Variants in THSD7B observed in about 807,000 individuals in gnomAD.
THSD7B encodes thrombospondin type-1 domain-containing protein 7B.
A neutral mutation model predicts 213.6 loss-of-function variants in THSD7B; 138 were observed. The ratio of observed to expected loss-of-function variants is 0.65; its 90% CI spans 0.56 to 0.74. THSD7B has a LOEUF of 0.74. Ranked by LOEUF, THSD7B falls within the 30% of genes least tolerant of loss-of-function variation. The probability of loss-of-function intolerance (pLI) is 0.00; values close to 1 mark genes in which losing one functional copy is unlikely to be tolerated. For missense variants in THSD7B, 1,931 were observed against 1,991.5 expected (o/e 0.97, Z 0.58); for synonymous variants, 742 against 687.0 (o/e 1.08, Z -1.25).
intron 15 of THSD7B, chr2:137,452,126 A>G (rs1687664419): frequency 1.7e-6 from 1 of 598,264 alleles, no homozygotes; most frequent in Admixed American, 6.4e-5. Context: ...TAACTCACTG[A>G]AATTAAAAAA....
intron 5 of THSD7B, 106 bp downstream of exon 5, chr2:137,115,399 A>G: frequency 1.6e-6 from 2 of 1,216,388 alleles, no homozygotes; most frequent in Non-Finnish European, 1.1e-6. Context: ...GCATTCACAC[A>G]TTTAATATTT....
chr2:136,789,931 A>G (rs537399995), intron 1 of THSD7B, among the ~76,000 whole-genome samples: 3 of 152,278 alleles, frequency 2.0e-5, no homozygotes, highest in South Asian at 4.1e-4. Flanking sequence ...ATTTTAATTG[A>G]TAGAAAAGAT....
chr2:137,402,622 G>A (rs1414801222), intron 12 of THSD7B, among the ~76,000 whole-genome samples: 1 of 151,918 alleles, frequency 6.6e-6, no homozygotes, highest in African/African-American at 2.4e-5. Context: ...TTTGAGACCA[G>A]CCTGGCCAAC....
intron 1 of THSD7B, among the ~76,000 whole-genome samples, chr2:136,770,251 G>C (rs1681481017): frequency 6.6e-6 from 1 of 152,158 alleles, no homozygotes; most frequent in Non-Finnish European, 1.5e-5. Flanking sequence ...AGCATACCAT[G>C]TAGTATGCAT....
chr2:137,558,138 G>A (rs1193405604), intron 15 of THSD7B, among the ~76,000 whole-genome samples: 1 of 152,124 alleles, frequency 6.6e-6, no homozygotes, highest in African/African-American at 2.4e-5. Flanking sequence ...AGAGGTACAA[G>A]GAGGAGCTGG....
chr2:137,049,550 T>G (rs142771479), intron 2 of THSD7B, among the ~76,000 whole-genome samples: 184 of 152,300 alleles, frequency 1.2e-3, no homozygotes, highest in African/African-American at 4.3e-3. Context: ...TAATAAACCA[T>G]GCCTATTACT....
intron 3 of THSD7B, among the ~76,000 whole-genome samples, chr2:137,070,338 T>C: frequency 6.6e-6 from 1 of 151,934 alleles, no homozygotes; most frequent in East Asian, 1.9e-4. Flanking sequence ...CCATAGTTTA[T>C]TTGAACAAAT....
At chr2:137,299,560 G>C (rs1300435552) in intron 12 of THSD7B, among the ~76,000 whole-genome samples, 1 of 152,006 alleles carries the variant, frequency 6.6e-6, no homozygotes, top group Non-Finnish European at 1.5e-5. Flanking sequence ...AGAATTCTGA[G>C]ATTTCCCAAG....
intron 15 of THSD7B, among the ~76,000 whole-genome samples, chr2:137,553,775 TA>T (rs1680896594): frequency 6.6e-6 from 1 of 152,194 alleles, no homozygotes; most frequent in African/African-American, 2.4e-5. Flanking sequence ...GATTCCCTGA[TA>T]AAGTCCATGC....
At chr2:137,149,190 G>A (rs1038963747) in intron 5 of THSD7B, among the ~76,000 whole-genome samples, 5 of 152,132 alleles carry the variant, frequency 3.3e-5, no homozygotes, top group African/African-American at 1.2e-4. Flanking sequence ...ATGTGGTGTT[G>A]GGCCTTTTGG....
At chr2:137,326,350 T>C (rs991240321) in intron 12 of THSD7B, among the ~76,000 whole-genome samples, 1 of 152,206 alleles carries the variant, frequency 6.6e-6, no homozygotes, top group African/African-American at 2.4e-5. Flanking sequence ...ATACTCAGTG[T>C]AGATTAATTT....
intron 1 of THSD7B, among the ~76,000 whole-genome samples, chr2:136,835,178 G>A (rs953273724): frequency 8.5e-5 from 13 of 152,156 alleles, no homozygotes; most frequent in African/African-American, 3.1e-4. Context: ...GACTTTTAAA[G>A]TTACAGAAAA....
At chr2:136,787,444 T>G (rs993261211) in intron 1 of THSD7B, among the ~76,000 whole-genome samples, 1 of 152,146 alleles carries the variant, frequency 6.6e-6, no homozygotes, top group Admixed American at 6.5e-5. Flanking sequence ...CTCAGGCCGC[T>G]GGAAGGACTA....
intron 6 of THSD7B, 38 bp from the exon 7 acceptor site, chr2:137,170,703 G>A (rs376523100): frequency 4.4e-6 from 7 of 1,593,722 alleles, no homozygotes; most frequent in Non-Finnish European, 4.3e-6. Context: ...CTGGAAAAGA[G>A]TGGAATTCTC....
intron 12 of THSD7B, among the ~76,000 whole-genome samples, chr2:137,313,530 T>G (rs1683983215): frequency 6.6e-6 from 1 of 151,474 alleles, no homozygotes; most frequent in South Asian, 2.1e-4. Flanking sequence ...TTGTTATGTG[T>G]GAATTTGATC....
At chr2:136,945,769 T>G (rs1416103029) in intron 2 of THSD7B, among the ~76,000 whole-genome samples, 1 of 152,268 alleles carries the variant, frequency 6.6e-6, no homozygotes, top group Admixed American at 6.5e-5. Flanking sequence ...AATTGGCTAT[T>G]GAAGCTTGTG....
At chr2:137,278,804 A>G (rs1206619117) in intron 12 of THSD7B, among the ~76,000 whole-genome samples, 1 of 152,192 alleles carries the variant, frequency 6.6e-6, no homozygotes, top group South Asian at 2.1e-4. Context: ...TCATAGGTAT[A>G]AAAGCACTTA....
intron 3 of THSD7B, among the ~76,000 whole-genome samples, chr2:137,072,416 G>C (rs974269781): frequency 1.3e-5 from 2 of 151,728 alleles, no homozygotes; most frequent in African/African-American, 2.4e-5. Flanking sequence ...TCTGTTATTG[G>C]TGTATAAGAA....
intron 1 of THSD7B, among the ~76,000 whole-genome samples, chr2:136,876,689 T>C (rs1471754625): frequency 6.6e-6 from 1 of 152,242 alleles, no homozygotes; most frequent in Non-Finnish European, 1.5e-5. Context: ...TATGTGTGTG[T>C]ATGTGCATAA....
Sources: allele counts gnomAD v4.1 joint callset (sites outside exome capture counted in the v4.1 genomes callset), GRCh38; gene constraint gnomAD v4.1.1; transcripts MANE v1.5; gene names NCBI Gene and HGNC (gene_info 2026-07-23, HGNC 2026-07-21).